TJP2: variants seen among roughly 807,000 people sequenced by gnomAD.
The protein encoded by TJP2 is tight junction protein 2, also known as Friedreich ataxia region gene X104 (tight junction protein ZO-2).
A neutral mutation model predicts 133.1 loss-of-function variants in TJP2; 91 were observed. The observed-to-expected ratio is 0.68, with a 90% confidence interval of 0.58 to 0.81. TJP2 has a LOEUF of 0.81. Among genes scored for constraint, TJP2 ranks in the 40% least tolerant of loss-of-function variants. The probability of loss-of-function intolerance (pLI) is 0.00; values close to 1 mark genes in which losing one functional copy is unlikely to be tolerated. For missense variants in TJP2, 1,541 were observed against 1,565.6 expected (o/e 0.98, Z 0.26); for synonymous variants, 592 against 583.4 (o/e 1.01, Z -0.21).
intron 1 of TJP2, among the ~76,000 whole-genome samples, chr9:69,189,141 T>C (rs1357612085): frequency 1.3e-5 from 2 of 152,128 alleles, no homozygotes; most frequent in Non-Finnish European, 2.9e-5. Context: ...ATAATTTTGA[T>C]TGGGAATGAA....
intron 11 of TJP2, among the ~76,000 whole-genome samples, chr9:69,231,102 G>A (rs1829741761): frequency 7.0e-6 from 1 of 141,988 alleles, no homozygotes; most frequent in Admixed American, 7.5e-5. Flanking sequence ...GAGTACTAGG[G>A]AACTGTTTTT....
chr9:69,222,211 G>C lies in TJP2; in HGVS notation c.952+715G>C, dbSNP rs548755047. Among the ~76,000 whole-genome samples the C allele has an allele frequency of 4.1e-5, 6 of 144,838 alleles. No individual in the cohort carries two copies. In the South Asian group the frequency reaches 1.3e-3, roughly 32 times the overall value. ...TTTTTTTGAGACAGAGTCTCACTGT[G>C]TCACCCTGGCTGGAGAGTGCAGTGG... On this transcript the variant is annotated intron_variant, in intron 5 of 22. Coordinates refer to ENST00000377245, the MANE Select transcript of TJP2 (RefSeq NM_004817.4).
intron 20 of TJP2, 151 bp from the exon 21 acceptor site, chr9:69,250,884 G>A: frequency 1.2e-6 from 1 of 863,726 alleles, no homozygotes; most frequent in South Asian, 1.4e-5. Flanking sequence ...GCCAGTGGCT[G>A]TTTGCCCTGC....
chr9:69,197,718 C>G (rs1353172101), intron 1 of TJP2, among the ~76,000 whole-genome samples: 2 of 151,892 alleles, frequency 1.3e-5, no homozygotes, highest in Non-Finnish European at 2.9e-5. Flanking sequence ...GGGTAGGGAT[C>G]TTGACCTCAT....
intron 1 of TJP2, among the ~76,000 whole-genome samples, chr9:69,178,465 A>G (rs76678719): frequency 2.8e-4 from 43 of 152,340 alleles, no homozygotes; most frequent in African/African-American, 1.0e-3. Flanking sequence ...TGGTAAAGCT[A>G]GCCCTTGACA....
chr9:69,168,225 A>G (rs1824464804), intron 2 of TJP2, among the ~76,000 whole-genome samples: 1 of 152,210 alleles, frequency 6.6e-6, no homozygotes, highest in South Asian at 2.1e-4. Context: ...TAGCTTGAAA[A>G]TACTTTGCTG....
intron 1 of TJP2, among the ~76,000 whole-genome samples, chr9:69,197,810 A>T (rs1826694319): frequency 6.6e-6 from 1 of 152,218 alleles, no homozygotes; most frequent in Non-Finnish European, 1.5e-5. Context: ...GACTGAGCTT[A>T]GACCCAGGTG....
In TJP2 at chr9:69,246,671, T is replaced by C; in HGVS notation, c.2567-19T>C. 1 of 1,606,556 alleles carries C rather than the reference T, an allele frequency of 6.2e-7. No homozygotes were observed. The highest frequency in any genetic ancestry group is 8.5e-7 in the Non-Finnish European group (1 of 1,173,134). ...GCCTCTGGAAATTAATGCAGACCTT[T>C]TTGTTTATATTTCTATAGCTACAAT... is the stretch of plus-strand genomic sequence containing the variant. On this transcript the variant is annotated intron_variant, in intron 17 of 22. Coordinates refer to ENST00000377245, the MANE Select transcript of TJP2 (RefSeq NM_004817.4).
intron 1 of TJP2, among the ~76,000 whole-genome samples, chr9:69,189,554 A>T (rs1826073491): frequency 6.6e-6 from 1 of 151,228 alleles, no homozygotes; most frequent in Admixed American, 6.6e-5. Flanking sequence ...CAGGAGTTGG[A>T]GGCTACAGTG....
intron 1 of TJP2, among the ~76,000 whole-genome samples, chr9:69,212,117 A>G (rs1306140268): frequency 1.3e-5 from 2 of 152,220 alleles, no homozygotes; most frequent in South Asian, 4.1e-4. Context: ...GGCATACCCT[A>G]TGATAAGGCT....
At chr9:69,224,467 C>T (rs530086661) in intron 5 of TJP2, among the ~76,000 whole-genome samples, 61 of 152,240 alleles carry the variant, frequency 4.0e-4, no homozygotes, top group Non-Finnish European at 6.3e-4. Flanking sequence ...CACCTGAGGT[C>T]AGGAGTTCGA....
chr9:69,224,556 A>G (rs1327240144), intron 5 of TJP2, among the ~76,000 whole-genome samples: 3 of 152,152 alleles, frequency 2.0e-5, no homozygotes, highest in East Asian at 1.9e-4. Flanking sequence ...GGGCACCTGT[A>G]ATCCCAGCTA....
Position 69,254,190 on chromosome 9 carries a change from A to G in TJP2, c.3408-19A>G, listed in dbSNP as rs1307523398. On this transcript the variant is annotated intron_variant, in intron 22 of 22. Transcript: ENST00000377245. ...CATGGATGTGCTCTGGAATGTCTTTAACACCCTTTTTTTGTTAGTTCCAGA... is the reference window on the plus strand; with the variant it reads ...CATGGATGTGCTCTGGAATGTCTTTGACACCCTTTTTTTGTTAGTTCCAGA... 2 of 1,614,124 alleles carry G rather than the reference A, an allele frequency of 1.2e-6. No individual in the cohort carries two copies. The highest frequency in any genetic ancestry group is 1.7e-6 in the Non-Finnish European group (2 of 1,179,998).
intron 1 of TJP2, among the ~76,000 whole-genome samples, chr9:69,195,451 T>C (rs890480110): frequency 3.3e-5 from 5 of 151,698 alleles, no homozygotes; most frequent in African/African-American, 1.2e-4. Context: ...CTTATGAAAA[T>C]TGGACTCATG....
At chr9:69,167,727 G>A (rs1039107194) in intron 2 of TJP2, among the ~76,000 whole-genome samples, 1 of 152,076 alleles carries the variant, frequency 6.6e-6, no homozygotes, top group Non-Finnish European at 1.5e-5. Context: ...AATTAGCCGG[G>A]CATGGTGGCA....
Position 69,254,269 on chromosome 9 carries a change from T to C in TJP2, c.3468T>C (p.Ser1156=), listed in dbSNP as rs781155766. The C allele has an allele frequency of 6.8e-6, 11 of 1,614,088 alleles. No homozygotes were observed. Among genetic ancestry groups the C allele is most frequent in the Non-Finnish European group, 8.5e-6 (10 of 1,180,058 alleles). ...PSRPYQDTRG[S]YGSDAEEEEY... is the part of the protein sequence containing the mutation. ...GACCTTATCAGGATACCAGAGGAAGTTATGGCAGTGATGCCGAGGAGGAGG... is the reference window on the plus strand; with the variant it reads ...GACCTTATCAGGATACCAGAGGAAGCTATGGCAGTGATGCCGAGGAGGAGG... Residue 1156 remains serine (S), a synonymous_variant, in exon 23 of 23, where the codon AGT becomes AGC. Coordinates refer to ENST00000377245, the MANE Select transcript of TJP2 (RefSeq NM_004817.4).
chr9:69,247,945 T>A, intron 18 of TJP2, 67 bp from the exon 19 acceptor site: 1 of 1,463,576 alleles, frequency 6.8e-7, no homozygotes, highest in Non-Finnish European at 9.1e-7. Context: ...CCTTGGGAAT[T>A]TTCTTGAGTC....
Position 69,239,966 on chromosome 9 carries a change from G to A in TJP2, c.2385G>A (p.Pro795=), listed in dbSNP as rs750980357. The A allele has an allele frequency of 6.8e-6, 11 of 1,613,998 alleles. No homozygotes were observed. The highest frequency in any genetic ancestry group is 4.5e-5 in the East Asian group (2 of 44,896). Residue 795 remains proline, a synonymous_variant, in exon 17 of 23, where the codon CCG becomes CCA. Transcript: ENST00000377245. ...AGCATGCACTACTGGATGTGACTCC[G>A]AAAGCTGTGGACCTGTTGAATTACA... is the stretch of plus-strand genomic sequence containing the variant. ...QDKHALLDVT[P]KAVDLLNYTQ...
chr9:69,236,862 A>G (rs933929914), intron 13 of TJP2, 87 bp from the exon 14 acceptor site: 142 of 1,463,350 alleles, frequency 9.7e-5, no homozygotes, highest in Non-Finnish European at 1.3e-4. Flanking sequence ...TGAGCTCAGA[A>G]GTAAAATTGA....
Sources: gnomAD v4.1 joint callset for allele counts (sites outside exome capture counted in the v4.1 genomes callset) on GRCh38, gnomAD v4.1.1 for gene constraint, MANE v1.5 for transcripts, NCBI Gene and HGNC (gene_info 2026-07-23, HGNC 2026-07-21) for gene names.